Variants in MAP4K3 observed in about 807,000 individuals in gnomAD.
MAP4K3 encodes mitogen-activated protein kinase kinase kinase kinase 3.
A neutral mutation model predicts 143.5 loss-of-function variants in MAP4K3; 94 were observed. That is an observed-to-expected ratio of 0.65 (90% confidence interval 0.55 to 0.78). The LOEUF (loss-of-function observed/expected upper bound fraction) is 0.78, where lower values mean the gene tolerates loss of function less well. Ranked by LOEUF, MAP4K3 falls within the 30% of genes least tolerant of loss-of-function variation. The pLI is 0.00. For synonymous variants in MAP4K3, 416 were observed against 347.2 expected (o/e 1.20, Z -2.20); for missense variants, 1,077 against 1,068.1 (o/e 1.01, Z -0.12).
At chr2:39,255,943 A>ATAAAT (rs1680325649) in intron 31 of MAP4K3, among the ~76,000 whole-genome samples, 1 of 152,194 alleles carries the variant, frequency 6.6e-6, no homozygotes, top group Non-Finnish European at 1.5e-5. Flanking sequence ...TTCTCATTTA[A>ATAAAT]GTCTTTCTAC....
At chr2:39,403,722 T>C (rs1038306358) in intron 1 of MAP4K3, among the ~76,000 whole-genome samples, 2 of 151,700 alleles carry the variant, frequency 1.3e-5, no homozygotes, top group African/African-American at 4.8e-5. Context: ...GCCAGTGGAC[T>C]TGGGGGGCAT....
At chr2:39,361,006 C>T (rs1204103861) in intron 2 of MAP4K3, among the ~76,000 whole-genome samples, 4 of 152,158 alleles carry the variant, frequency 2.6e-5, no homozygotes, top group Admixed American at 2.6e-4. Flanking sequence ...TAAGTCCATA[C>T]TTTGCTGCTG....
chr2:39,294,274 A>T (rs1682178471), intron 16 of MAP4K3: 2 of 152,238 alleles, frequency 1.3e-5, no homozygotes, highest in Admixed American at 6.5e-5. Context: ...ATGGTTATCT[A>T]CTGTAAGCAA....
At chr2:39,353,868 T>C (rs1241837761) in intron 3 of MAP4K3, among the ~76,000 whole-genome samples, 1 of 152,182 alleles carries the variant, frequency 6.6e-6, no homozygotes, top group East Asian at 1.9e-4. Context: ...TACTCACACC[T>C]ATCCTGTCAT....
chr2:39,310,203 C>T (rs974921599), intron 13 of MAP4K3, among the ~76,000 whole-genome samples: 11 of 152,154 alleles, frequency 7.2e-5, no homozygotes, highest in African/African-American at 2.7e-4. Flanking sequence ...TGTATTCCTT[C>T]TATTTAACTT....
rs550898052 is a variant in MAP4K3, at chr2:39,368,117, G to A, written c.154+9949C>T. On this transcript the variant is annotated intron_variant, in intron 2 of 33. Coordinates refer to ENST00000263881, the MANE Select transcript of MAP4K3 (RefSeq NM_003618.4). The stretch of plus-strand genomic sequence containing the variant: ...AAGGCCCAAAATAAGGAAGGTACCC[G>A]TAACTCAGGACTGAATTTCTAGTGA... Among the ~76,000 whole-genome samples the A allele has an allele frequency of 2.0e-4, 30 of 152,190 alleles. No homozygotes were observed. In the South Asian group the frequency reaches 4.4e-3, roughly 22 times the overall value.
At chr2:39,260,252 T>C (rs998810752) in intron 29 of MAP4K3, among the ~76,000 whole-genome samples, 2 of 152,144 alleles carry the variant, frequency 1.3e-5, no homozygotes, top group African/African-American at 4.8e-5. Flanking sequence ...TAGGTGGGAC[T>C]ACAGGCATGC....
chr2:39,281,172 T>C (rs1408841771), intron 22 of MAP4K3, among the ~76,000 whole-genome samples: 1 of 152,208 alleles, frequency 6.6e-6, no homozygotes, highest in African/African-American at 2.4e-5. Context: ...TTTCAGTATT[T>C]GCCATGTTGG....
intron 15 of MAP4K3, among the ~76,000 whole-genome samples, chr2:39,301,786 G>C (rs11124674): frequency 0.69 from 104,425 of 152,066 alleles, 39,695 homozygotes; most frequent in Non-Finnish European, 0.85. Context: ...CACTTCGGGA[G>C]GGCCGAGGCG....
intron 13 of MAP4K3, 29 bp from the exon 14 acceptor site, chr2:39,309,548 A>ATTTT (rs749101883): frequency 0.025 from 8,383 of 336,904 alleles, 80 homozygotes; most frequent in South Asian, 0.036. Flanking sequence ...TAAAACCAGG[A>ATTTT]TTTTTTTTTT....
At chr2:39,423,121 G>A (rs1196823132) in intron 1 of MAP4K3, among the ~76,000 whole-genome samples, 1 of 152,028 alleles carries the variant, frequency 6.6e-6, no homozygotes, top group East Asian at 1.9e-4. Context: ...AATCTTAACA[G>A]ACACCTTACC....
intron 13 of MAP4K3, among the ~76,000 whole-genome samples, chr2:39,313,455 CTTCT>C (rs67516752): frequency 0.66 from 99,302 of 150,542 alleles, 36,669 homozygotes; most frequent in Non-Finnish European, 0.82. Flanking sequence ...TCTTTCTTTC[CTTCT>C]TTCTTTCCTT....
At chr2:39,323,050 A>G (rs1197976659) in intron 12 of MAP4K3, among the ~76,000 whole-genome samples, 1 of 152,210 alleles carries the variant, frequency 6.6e-6, no homozygotes, top group African/African-American at 2.4e-5. Flanking sequence ...ATTTTGAGTG[A>G]CAACACTGCA....
chr2:39,336,928 C>T lies in MAP4K3; in HGVS notation c.406G>A (p.Asp136Asn), dbSNP rs780650081. 7.8e-7 allele frequency: 1 copy of T among 1,282,146 alleles called. No individual in the cohort carries two copies. Among genetic ancestry groups the T allele is most frequent in the Non-Finnish European group, 1.1e-6 (1 of 912,876 alleles). 79.4% of individuals were successfully genotyped at this position (1,282,146 alleles called of 1,614,324 possible). A position where few individuals can be genotyped will look rare whatever the true frequency, so the allele number is the denominator to read the frequency against. Reference protein sequence around the residue: ...YLHSKGKMHRDIKGANILLTD... With the variant: ...YLHSKGKMHRNIKGANILLTD... ...AAAAATATAATGTATACCTTTATAT[C>T]TCTGTGCATTTTTCCTTTACTGTGA... The change falls in exon 6 of 34, where the codon GAT becomes AAT. Residue 136 changes from aspartate (D) to asparagine (N), a missense_variant. Around this residue, in one of 2 missense-constraint regions of MAP4K3, gnomAD observed 213 missense variants for 266.8 expected, o/e 0.80. Transcript: ENST00000263881.
intron 2 of MAP4K3, among the ~76,000 whole-genome samples, chr2:39,363,024 A>G (rs1665813522): frequency 1.3e-5 from 2 of 152,244 alleles, no homozygotes; most frequent in African/African-American, 4.8e-5. Flanking sequence ...GTTATCCTAC[A>G]TACACAAAAA....
intron 12 of MAP4K3, among the ~76,000 whole-genome samples, chr2:39,321,641 A>C (rs894333617): frequency 1.3e-5 from 2 of 152,168 alleles, no homozygotes; most frequent in African/African-American, 2.4e-5. Flanking sequence ...AGTTGAGACA[A>C]GAGGAAGGCA....
intron 31 of MAP4K3, among the ~76,000 whole-genome samples, chr2:39,255,859 T>C (rs1288736684): frequency 6.6e-6 from 1 of 152,142 alleles, no homozygotes; most frequent in Non-Finnish European, 1.5e-5. Context: ...GCTTATCAAG[T>C]GGCACAAAAC....
chr2:39,392,167 GA>G (rs765646653), intron 1 of MAP4K3, among the ~76,000 whole-genome samples: 38 of 94,804 alleles, frequency 4.0e-4, no homozygotes, highest in Admixed American at 3.5e-4. Flanking sequence ...CCTGGCAACA[GA>G]ACGACACTCC....
chr2:39,278,589 A>G, intron 23 of MAP4K3, 103 bp from the exon 24 acceptor site: 3 of 629,894 alleles, frequency 4.8e-6, no homozygotes, highest in Non-Finnish European at 8.2e-6. Context: ...CATATAAAAC[A>G]AGAATTACTA....
Sources: gnomAD v4.1 joint callset for allele counts (sites outside exome capture counted in the v4.1 genomes callset) on GRCh38, gnomAD v4.1.1 for gene constraint, gnomAD v4.1.1 regional missense constraint, MANE v1.5 for transcripts, NCBI Gene and HGNC (gene_info 2026-07-23, HGNC 2026-07-21) for gene names.